The following ADAMTSL1 variants were observed in gnomAD, a reference collection of about 807,000 sequenced individuals.
ADAMTSL1 encodes ADAMTS-like protein 1.
In ADAMTSL1, 126 loss-of-function variants were observed where a neutral mutation model predicts 201.8. That is an observed-to-expected ratio of 0.62 (90% CI 0.54 to 0.72). The LOEUF is 0.72. ADAMTSL1 is among the 30% of genes least tolerant of loss of function. ADAMTSL1 has a pLI of 0.00. For synonymous variants in ADAMTSL1, 1,121 were observed against 903.4 expected (o/e 1.24, Z -4.32); for missense variants, 2,679 against 2,277.8 (o/e 1.18, Z -3.59).
At chr9:18,765,343 A>G (rs536361149) in intron 16 of ADAMTSL1, among the ~76,000 whole-genome samples, 1 of 152,318 alleles carries the variant, frequency 6.6e-6, no homozygotes, top group East Asian at 1.9e-4. Context: ...ACTCAATAGG[A>G]CCCATGAGGA....
chr9:18,060,201 A>G (rs1479341031), intron 1 of ADAMTSL1, among the ~76,000 whole-genome samples: 1 of 152,168 alleles, frequency 6.6e-6, no homozygotes, highest in African/African-American at 2.4e-5. Flanking sequence ...AATTGGCAGC[A>G]TATCATATAC....
intron 2 of ADAMTSL1, among the ~76,000 whole-genome samples, chr9:18,299,317 T>G (rs1833605436): frequency 6.6e-6 from 1 of 152,178 alleles, no homozygotes; most frequent in Non-Finnish European, 1.5e-5. Context: ...CATGTCTACA[T>G]ATATCTTCTC....
intron 1 of ADAMTSL1, among the ~76,000 whole-genome samples, chr9:17,914,610 A>G (rs1022560733): frequency 1.3e-5 from 2 of 151,500 alleles, no homozygotes; most frequent in Non-Finnish European, 1.5e-5. Flanking sequence ...GAAAACTGGC[A>G]CAAGACAGGG....
intron 2 of ADAMTSL1, among the ~76,000 whole-genome samples, chr9:18,424,698 A>G (rs1002935820): frequency 2.6e-5 from 4 of 152,122 alleles, no homozygotes; most frequent in African/African-American, 7.2e-5. Flanking sequence ...AGAGCTTTGC[A>G]TTGTCTTTCT....
chr9:18,622,637 A>G (rs1826109600), intron 5 of ADAMTSL1: 1 of 566,150 alleles, frequency 1.8e-6, no homozygotes, highest in Non-Finnish European at 3.1e-6. Flanking sequence ...CTGTACAAAC[A>G]TGAGCTTTGC....
At chr9:18,842,344 A>G (rs368726965) in intron 23 of ADAMTSL1, among the ~76,000 whole-genome samples, 6 of 151,910 alleles carry the variant, frequency 3.9e-5, no homozygotes, top group East Asian at 1.9e-4. Flanking sequence ...GTAGTTGAGC[A>G]GTTTTGAGTG....
At chr9:18,852,380 G>A (rs145635801) in intron 23 of ADAMTSL1, among the ~76,000 whole-genome samples, 1 of 152,292 alleles carries the variant, frequency 6.6e-6, no homozygotes, top group African/African-American at 2.4e-5. Flanking sequence ...GTTAACATCA[G>A]TCATTCTTAT....
chr9:18,443,688 T>C (rs1337135134), intron 2 of ADAMTSL1, among the ~76,000 whole-genome samples: 1 of 152,240 alleles, frequency 6.6e-6, no homozygotes, highest in African/African-American at 2.4e-5. Flanking sequence ...AGGTGTGTAC[T>C]GTACTGACTT....
chr9:18,060,369 AAAAC>A (rs1822393751), intron 1 of ADAMTSL1, among the ~76,000 whole-genome samples: 2 of 152,166 alleles, frequency 1.3e-5, no homozygotes, highest in Non-Finnish European at 2.9e-5. Flanking sequence ...GATAAGCTGT[AAAAC>A]AACCCTATGG....
intron 1 of ADAMTSL1, among the ~76,000 whole-genome samples, chr9:18,109,488 C>T (rs1367176665): frequency 6.6e-6 from 1 of 152,150 alleles, no homozygotes; most frequent in African/African-American, 2.4e-5. Flanking sequence ...TCCTGTCATC[C>T]AACTTCAGTT....
intron 20 of ADAMTSL1, among the ~76,000 whole-genome samples, chr9:18,804,178 TAA>T (rs1484718790): frequency 6.6e-6 from 1 of 152,214 alleles, no homozygotes; most frequent in Admixed American, 6.5e-5. Context: ...TATCAACTAT[TAA>T]CTCCCTTTAC....
At chr9:18,421,410 TAA>T (rs1389375911) in intron 2 of ADAMTSL1, among the ~76,000 whole-genome samples, 2 of 152,168 alleles carry the variant, frequency 1.3e-5, no homozygotes, top group Admixed American at 6.5e-5. Context: ...TCTGAAAGGC[TAA>T]GACACTTAGC....
chr9:18,203,441 A>G (rs923579918), intron 2 of ADAMTSL1, among the ~76,000 whole-genome samples: 1 of 151,750 alleles, frequency 6.6e-6, no homozygotes, highest in Non-Finnish European at 1.5e-5. Flanking sequence ...GGTCTATGTA[A>G]TAGAGGAGAT....
At chr9:17,975,651 C>T (rs1312746996) in intron 1 of ADAMTSL1, among the ~76,000 whole-genome samples, 1 of 151,978 alleles carries the variant, frequency 6.6e-6, no homozygotes, top group Non-Finnish European at 1.5e-5. Context: ...ATGTTTTTTG[C>T]CATTCTGAAG....
At chr9:18,650,934 G>A (rs1828203228) in intron 7 of ADAMTSL1, among the ~76,000 whole-genome samples, 1 of 152,130 alleles carries the variant, frequency 6.6e-6, no homozygotes, top group Non-Finnish European at 1.5e-5. Context: ...GAGCCTTTTT[G>A]AGGGATTAAA....
chr9:18,460,284 A>T (rs1820759845), intron 2 of ADAMTSL1, among the ~76,000 whole-genome samples: 1 of 152,218 alleles, frequency 6.6e-6, no homozygotes, highest in Admixed American at 6.5e-5. Context: ...CTTATTTATA[A>T]ATCTTGTCAA....
At chr9:18,591,007 A>C (rs1484239380) in intron 4 of ADAMTSL1, among the ~76,000 whole-genome samples, 6 of 152,172 alleles carry the variant, frequency 3.9e-5, no homozygotes, top group Non-Finnish European at 8.8e-5. Context: ...ATTCTGTAGC[A>C]GTTGGATGAA....
intron 2 of ADAMTSL1, among the ~76,000 whole-genome samples, chr9:18,177,543 AG>A (rs1451207388): frequency 6.6e-6 from 1 of 152,186 alleles, no homozygotes; most frequent in African/African-American, 2.4e-5. Flanking sequence ...GTATGATCAA[AG>A]GTGCTAGGGA....
At chr9:18,029,724 A>C in intron 1 of ADAMTSL1, among the ~76,000 whole-genome samples, 1 of 152,210 alleles carries the variant, frequency 6.6e-6, no homozygotes, top group Non-Finnish European at 1.5e-5. Context: ...AACCCCATCA[A>C]AAAGTGGGTG....
Sources: gnomAD v4.1 joint callset for allele counts (sites outside exome capture counted in the v4.1 genomes callset) on GRCh38, gnomAD v4.1.1 for gene constraint, MANE v1.5 for transcripts, NCBI Gene and HGNC (gene_info 2026-07-23, HGNC 2026-07-21) for gene names.